ORC6: variants seen among roughly 807,000 people sequenced by gnomAD.
The protein encoded by ORC6 is origin recognition complex subunit 6, also known as origin recognition complex, subunit 6 homolog-like (yeast).
Under a neutral mutation model 30.0 loss-of-function variants are expected in ORC6, and 31 were observed. The observed-to-expected ratio is 1.03, with a 90% CI of 0.78 to 1.40. The LOEUF is 1.40. Ranked by LOEUF, ORC6 falls within the 40% of genes most tolerant of loss-of-function variation. ORC6 has a pLI of 0.00. For missense variants in ORC6, 340 were observed against 304.3 expected, an observed-to-expected ratio of 1.12 and a Z score of -0.87; for synonymous variants, 136 against 111.2, an observed-to-expected ratio of 1.22 and a Z score of -1.40.
rs779462255 is a variant in ORC6, at chr16:46,697,651, C to T, written c.*66C>T. 4.9e-5 allele frequency: 74 copies of T among 1,520,164 alleles called. No individual in the cohort carries two copies. Among genetic ancestry groups the T allele is most frequent in the Middle Eastern group, 3.4e-4 (2 of 5,892 alleles). The allele number at this position is 1,520,164 out of a possible 1,614,324, so 94.2% of individuals were successfully genotyped here. A position where few individuals can be genotyped will look rare whatever the true frequency, so the allele number is the denominator to read the frequency against. Reference sequence around the variant, plus strand: ...CATTGCCATCTCCAGGAAGACTTGACGGCTTTGGGATTTTGTTTAAACTTT... The same window carrying T: ...CATTGCCATCTCCAGGAAGACTTGATGGCTTTGGGATTTTGTTTAAACTTT... On this transcript the variant is annotated 3_prime_UTR_variant, in exon 7 of 7. Coordinates refer to ENST00000219097, the MANE Select transcript of ORC6 (RefSeq NM_014321.4).
At chr16:46,690,548 C>T (rs1276783376) in intron 1 of ORC6, among the ~76,000 whole-genome samples, 12 of 152,186 alleles carry the variant, frequency 7.9e-5, no homozygotes, top group Non-Finnish European at 1.5e-4. Flanking sequence ...AATACAAATT[C>T]TTGGGTCCCA....
chr16:46,690,276 T>A (rs1966419058), intron 1 of ORC6, among the ~76,000 whole-genome samples: 1 of 152,132 alleles, frequency 6.6e-6, no homozygotes, highest in South Asian at 2.1e-4. Context: ...TGGCAGATGC[T>A]AGGCGAGGAA....
intron 3 of ORC6, 78 bp downstream of exon 3, chr16:46,692,623 A>T: frequency 7.5e-7 from 1 of 1,333,478 alleles, no homozygotes; most frequent in Non-Finnish European, 1.1e-6. Context: ...TAATCCCAGC[A>T]CTTTGGGAGG....
In ORC6 at chr16:46,689,685, G is replaced by C. The variant is rs750140520; in HGVS notation, c.-21G>C. ...TTGACCCGCGGCGTTCACGGGAATT[G>C]TTCGCTTTAGTGCCGGCGCCATGGG... On this transcript the variant is annotated 5_prime_UTR_variant, in exon 1 of 7. Transcript: ENST00000219097. The C allele has an allele frequency of 1.3e-6, 2 of 1,595,314 alleles. No individual in the cohort carries two copies. Among genetic ancestry groups the C allele is most frequent in the Non-Finnish European group, 1.7e-6 (2 of 1,170,588 alleles).
rs1966433184 is a variant in ORC6, at chr16:46,691,142, T to C, written c.195+22T>C. The C allele has an allele frequency of 1.7e-5, 28 of 1,613,150 alleles. No homozygotes were observed. The East Asian group carries it at 6.2e-4, about 36-fold the overall frequency. On this transcript the variant is annotated intron_variant, in intron 2 of 6. Coordinates refer to ENST00000219097, the MANE Select transcript of ORC6 (RefSeq NM_014321.4). ...CAGGGTAAGTAGGTCCCACCGAATG[T>C]CTGAATAATCCAGTGCAACATTGAA... is the stretch of plus-strand genomic sequence containing the variant.
Position 46,697,687 on chromosome 16 carries a change from A to T in ORC6, c.*102A>T. On this transcript the variant is annotated 3_prime_UTR_variant, in exon 7 of 7. Coordinates refer to ENST00000219097, the MANE Select transcript of ORC6 (RefSeq NM_014321.4). ...TTTTGTTTAAACTTTTATAATAAGG[A>T]TCCTAAGACTGTTGCCTTTAAATAG... The T allele has an allele frequency of 1.6e-6, 2 of 1,278,270 alleles. No individual in the cohort carries two copies. The highest frequency in any genetic ancestry group is 2.4e-5 in the South Asian group (2 of 82,672). The allele number at this position is 1,278,270 out of a possible 1,614,324, so 79.2% of individuals were successfully genotyped here. A position where few individuals can be genotyped will look rare whatever the true frequency, so the allele number is the denominator to read the frequency against.
At chr16:46,690,217 C>T (rs1241173892) in intron 1 of ORC6, among the ~76,000 whole-genome samples, 1 of 152,174 alleles carries the variant, frequency 6.6e-6, no homozygotes, top group Non-Finnish European at 1.5e-5. Flanking sequence ...CACAAAGAAA[C>T]AAACAAAACT....
chr16:46,698,127 T>A lies in ORC6; in HGVS notation c.*542T>A. ...GAGACTTATCTCATAAATAAATAGA[T>A]AGATACTCCAGCCTGGGTGACAGAG... On this transcript the variant is annotated 3_prime_UTR_variant, in exon 7 of 7. Transcript: ENST00000219097. 2 of 434,428 alleles carry A rather than the reference T, an allele frequency of 4.6e-6. No individual in the cohort carries two copies. Among genetic ancestry groups the A allele is most frequent in the South Asian group, 3.2e-5 (2 of 62,612 alleles). 26.9% of individuals were successfully genotyped at this position (434,428 alleles called of 1,614,324 possible).
rs144349206 is a variant in ORC6 at position 46,695,611 on chromosome 16, G to A, written c.499G>A (p.Val167Ile). Reference protein sequence around the residue: ...DKNKMVATSGVKKAIFDRLCK... With the variant: ...DKNKMVATSGIKKAIFDRLCK... ...AAACAAAATGGTAGCCACATCCGGT[G>A]TAAAAAAAGCTATATTTGATCGACT... The change falls in exon 5 of 7, where the codon GTA (valine) becomes ATA (isoleucine). Residue 167 changes from valine to isoleucine, a missense_variant. By Grantham distance (29) the Val-to-Ile change is conservative. Transcript: ENST00000219097. The A allele has an allele frequency of 1.7e-5, 28 of 1,613,586 alleles. No homozygotes were observed. In the African/African-American group the frequency reaches 2.4e-4, roughly 14 times the overall value.
rs3218747 is a variant in ORC6 at position 46,692,321 on chromosome 16, G to T, written c.196-61G>T. ...TACTGCTTATTAAACAAGTGTTTAA[G>T]GGTACTAATATATAGAACTTAAGGT... On this transcript the variant is annotated intron_variant, in intron 2 of 6. Coordinates refer to ENST00000219097, the MANE Select transcript of ORC6 (RefSeq NM_014321.4). 4.4e-4 allele frequency: 593 copies of T among 1,360,284 alleles called. 2 individuals carry two copies. Among genetic ancestry groups the T allele is most frequent in the Non-Finnish European group, 5.8e-4 (552 of 954,534 alleles). The allele number at this position is 1,360,284 out of a possible 1,614,324, so 84.3% of individuals were successfully genotyped here. A position where few individuals can be genotyped will look rare whatever the true frequency, so the allele number is the denominator to read the frequency against.
chr16:46,690,844 A>G (rs979168500), intron 1 of ORC6, 147 bp from the exon 2 acceptor site: 5 of 775,978 alleles, frequency 6.4e-6, no homozygotes, highest in Non-Finnish European at 1.1e-5. Flanking sequence ...CTCTCACCAG[A>G]GGATATGACC....
chr16:46,689,831 T>C (rs1966407102), intron 1 of ORC6, 61 bp downstream of exon 1: 1 of 1,518,328 alleles, frequency 6.6e-7, no homozygotes, highest in Admixed American at 2.1e-5. Flanking sequence ...GGCCCTCAGG[T>C]GAGGCCCGCG....
Position 46,692,511 on chromosome 16 carries a change from G to T in ORC6, c.325G>T (p.Glu109Ter). ...RDLAVQFSCI[E>*]AVNMASKILK... is the part of the protein sequence containing the mutation. ...CCTAGCTGTACAGTTTAGCTGTATA[G>T]AAGCAGTGAACATGGCTTCAAAGAT... Residue 109 changes from glutamate (E) to a stop codon, truncating the protein, a stop_gained, in exon 3 of 7, where the codon GAA becomes TAA. Coordinates refer to ENST00000219097, the MANE Select transcript of ORC6 (RefSeq NM_014321.4). LOFTEE classifies it high-confidence loss of function. The T allele has an allele frequency of 6.2e-7, 1 of 1,613,878 alleles. No individual in the cohort carries two copies. Among genetic ancestry groups the T allele is most frequent in the Non-Finnish European group, 8.5e-7 (1 of 1,179,790 alleles).
intron 5 of ORC6, 102 bp from the exon 6 acceptor site, chr16:46,695,915 T>A: frequency 1.1e-6 from 1 of 882,782 alleles, no homozygotes; most frequent in Non-Finnish European, 1.9e-6. Flanking sequence ...TCTCCTCATA[T>A]TTGATCAGTT....
Position 46,689,805 on chromosome 16 carries a change from C to T in ORC6, c.65+35C>T, listed in dbSNP as rs1190372542. The stretch of plus-strand genomic sequence containing the variant: ...GCCGCGCAAGACCAGGGCTGGGCTT[C>T]CGCCTCGCGGCCCTGGGCCCTCAGG... On this transcript the variant is annotated intron_variant, in intron 1 of 6. Coordinates refer to ENST00000219097, the MANE Select transcript of ORC6 (RefSeq NM_014321.4). The T allele has an allele frequency of 1.5e-5, 24 of 1,558,290 alleles. 1 individual carries two copies. In the South Asian group the frequency reaches 1.9e-4, roughly 12 times the overall value.
At chr16:46,692,246 C>A in intron 2 of ORC6, 136 bp from the exon 3 acceptor site, 1 of 694,270 alleles carries the variant, frequency 1.4e-6, no homozygotes, top group Non-Finnish European at 2.5e-6. Context: ...CTAAATGAAG[C>A]TAAACCTTTA....
At chr16:46,693,466 A>G in intron 4 of ORC6, 1 of 494,552 alleles carries the variant, frequency 2.0e-6, no homozygotes, top group South Asian at 2.2e-5. Context: ...TCTGTCATTA[A>G]AACAGTCTTC....
intron 4 of ORC6, chr16:46,695,145 G>C (rs1966504768): frequency 9.3e-6 from 2 of 215,370 alleles, no homozygotes. Flanking sequence ...TTTGTAATTA[G>C]TGGTTGCTGT....
In ORC6 at chr16:46,698,183, GGATAGATAGATAGATA is replaced by G. The variant is rs60635029; in HGVS notation, c.*615_*630del. ...CTTATAGATAGATAGATAGATAGAT[GGATAGATAGATAGATA>G]GATAGATAGATAGATAAACGGAATT... On this transcript the variant is annotated 3_prime_UTR_variant, in exon 7 of 7. Coordinates refer to ENST00000219097, the MANE Select transcript of ORC6 (RefSeq NM_014321.4). The G allele has an allele frequency of 1.2e-5, 5 of 430,452 alleles. No individual in the cohort carries two copies. The highest frequency in any genetic ancestry group is 5.1e-5 in the Admixed American group (2 of 39,456). 26.7% of individuals were successfully genotyped at this position (430,452 alleles called of 1,614,324 possible).
Sources: allele counts gnomAD v4.1 joint callset (sites outside exome capture counted in the v4.1 genomes callset), GRCh38; gene constraint gnomAD v4.1.1; transcripts MANE v1.5; gene names NCBI Gene and HGNC (gene_info 2026-07-23, HGNC 2026-07-21).